ANO10: variants seen among roughly 807,000 people sequenced by gnomAD.
ANO10 encodes anoctamin 10.
ANO10 carries 77 observed loss-of-function variants against 74.7 expected under a neutral mutation model. The observed-to-expected ratio is 1.03, with a 90% CI of 0.86 to 1.25. The LOEUF (loss-of-function observed/expected upper bound fraction) is 1.25, where lower values mean the gene tolerates loss of function less well. Ranked by LOEUF, ANO10 falls within the 50% of genes most tolerant of loss-of-function variation. The pLI, the probability that ANO10 is intolerant of heterozygous loss-of-function variation, is 0.00. For synonymous variants in ANO10, 279 were observed against 284.9 expected (o/e 0.98, Z 0.21); for missense variants, 721 against 778.1 (o/e 0.93, Z 0.87).
intron 12 of ANO10, among the ~76,000 whole-genome samples, chr3:43,377,038 C>T (rs751216290): frequency 3.9e-5 from 6 of 152,196 alleles, no homozygotes; most frequent in Non-Finnish European, 5.9e-5. Flanking sequence ...GAGACATTTC[C>T]TGGACAAGAC....
At chr3:43,622,511 T>A (rs1316335605), upstream of ANO10, among the ~76,000 whole-genome samples, 1 of 152,180 alleles carries the variant, frequency 6.6e-6, no homozygotes, top group Non-Finnish European at 1.5e-5. Flanking sequence ...TAAGAACAAG[T>A]CTCATTTTAA....
chr3:43,575,642 CT>C (rs869240600), intron 6 of ANO10, among the ~76,000 whole-genome samples: 66 of 146,900 alleles, frequency 4.5e-4, no homozygotes, highest in African/African-American at 4.5e-4. Flanking sequence ...TTTAAATCAT[CT>C]TTTTTTTTTT....
chr3:43,669,578 G>T (rs1224716543), intron 1 of ANO10, among the ~76,000 whole-genome samples: 2 of 152,082 alleles, frequency 1.3e-5, no homozygotes, highest in Non-Finnish European at 2.9e-5. Context: ...GCAGCAGTTT[G>T]CCCTGTGAAT....
intron 2 of ANO10, 23 bp downstream of exon 2, chr3:43,605,691 T>A (rs759034772): frequency 6.2e-7 from 1 of 1,612,664 alleles, no homozygotes; most frequent in South Asian, 1.1e-5. Flanking sequence ...AGACTAAGTC[T>A]GAGCAGTGAC....
At chr3:43,666,009 C>A (rs1243741968) in intron 1 of ANO10, among the ~76,000 whole-genome samples, 1 of 151,954 alleles carries the variant, frequency 6.6e-6, no homozygotes, top group African/African-American at 2.4e-5. Context: ...GTGCAGATGA[C>A]AAAAAATATA....
intron 11 of ANO10, among the ~76,000 whole-genome samples, chr3:43,522,997 A>T (rs2078026380): frequency 6.6e-6 from 1 of 152,218 alleles, no homozygotes; most frequent in Admixed American, 6.5e-5. Context: ...CTGGAAAGGG[A>T]GTACCTGCAT....
intron 12 of ANO10, among the ~76,000 whole-genome samples, chr3:43,412,577 T>C (rs1194601756): frequency 6.6e-6 from 1 of 152,164 alleles, no homozygotes; most frequent in Non-Finnish European, 1.5e-5. Flanking sequence ...TCTCCATAGG[T>C]AGGGCTGCCT....
intron 1 of ANO10, among the ~76,000 whole-genome samples, chr3:43,679,029 G>GT (rs1205575631): frequency 6.6e-6 from 1 of 152,184 alleles, no homozygotes; most frequent in African/African-American, 2.4e-5. Flanking sequence ...CAGAAGACGG[G>GT]TGATTTCTGC....
At chr3:43,576,354 T>C (rs961222862) in intron 6 of ANO10, among the ~76,000 whole-genome samples, 1 of 152,220 alleles carries the variant, frequency 6.6e-6, no homozygotes, top group African/African-American at 2.4e-5. Flanking sequence ...CTATTTGCTG[T>C]CTGAACCTCA....
intron 1 of ANO10, 114 bp from the exon 2 acceptor site, chr3:43,605,977 C>T (rs2082545076): frequency 8.4e-7 from 1 of 1,186,674 alleles, no homozygotes; most frequent in African/African-American, 1.5e-5. Context: ...AAGATAAAAG[C>T]AAATTTCTCG....
At position 43,627,058 on chromosome 3, in the gene ANO10, A is replaced by G. The variant is rs560068763; in HGVS notation, c.-11-21195T>C. Reference sequence around the variant, plus strand: ...CTGTTCATCCAAGGTGATAATTTACATAATTTTTCTTCTGTATGCTTAGAT... The same window carrying G: ...CTGTTCATCCAAGGTGATAATTTACGTAATTTTTCTTCTGTATGCTTAGAT... On this transcript the variant is annotated intron_variant, in intron 1 of 3. Coordinates refer to the ANO10 transcript ENST00000413397. 9.8e-5 allele frequency among the ~76,000 whole-genome samples: 15 copies of G among 152,314 alleles called. No homozygotes were observed. In the East Asian group the frequency reaches 2.7e-3, roughly 27 times the overall value.
intron 11 of ANO10, among the ~76,000 whole-genome samples, chr3:43,454,241 G>A (rs747414739): frequency 1.3e-5 from 2 of 152,178 alleles, no homozygotes; most frequent in Non-Finnish European, 2.9e-5. Context: ...TTGCAAGAAC[G>A]TTGAGAGGAG....
intron 11 of ANO10, among the ~76,000 whole-genome samples, chr3:43,437,435 G>A (rs990730416): frequency 6.6e-6 from 1 of 152,250 alleles, no homozygotes; most frequent in Non-Finnish European, 1.5e-5. Context: ...GAGAGGGAAA[G>A]AGAAAGTAGA....
chr3:43,557,911 C>T (rs184546185), intron 9 of ANO10, among the ~76,000 whole-genome samples: 63 of 151,760 alleles, frequency 4.2e-4, no homozygotes, highest in African/African-American at 1.4e-3. Flanking sequence ...TCAAGACCAG[C>T]CTGGGCAACA....
At chr3:43,568,212 T>G (rs2080480736) in intron 7 of ANO10, among the ~76,000 whole-genome samples, 1 of 152,082 alleles carries the variant, frequency 6.6e-6, no homozygotes. Context: ...CAAAGAGACT[T>G]AAGACTCCCA....
rs183509525 is a variant in ANO10 at position 43,631,027 on chromosome 3, T to C, written c.-11-25164A>G. Among the ~76,000 whole-genome samples the C allele has an allele frequency of 3.3e-5, 5 of 152,320 alleles. No homozygotes were observed. In the East Asian group the frequency reaches 9.6e-4, roughly 29 times the overall value. ...GGCTGGAAGGAGTTTGACTGATGGT[T>C]CAAGACTGAGTGAGTGAATTGTTTT... On this transcript the variant is annotated intron_variant, in intron 1 of 3. Coordinates refer to the ANO10 transcript ENST00000413397.
At chr3:43,684,255 C>G (rs1179463493) in intron 1 of ANO10, among the ~76,000 whole-genome samples, 1 of 152,112 alleles carries the variant, frequency 6.6e-6, no homozygotes. Flanking sequence ...ACAACCCCAT[C>G]AAAAAGTGGG....
At chr3:43,593,110 T>G (rs1391401272) in intron 4 of ANO10, among the ~76,000 whole-genome samples, 1 of 152,104 alleles carries the variant, frequency 6.6e-6, no homozygotes, top group East Asian at 1.9e-4. Context: ...TGGGACTATG[T>G]GAAAAGACCA....
At chr3:43,505,232 G>A (rs1363649170) in intron 11 of ANO10, among the ~76,000 whole-genome samples, 1 of 152,178 alleles carries the variant, frequency 6.6e-6, no homozygotes, top group African/African-American at 2.4e-5. Context: ...ATGTAATTAA[G>A]TACAATGTTT....
Sources: allele counts gnomAD v4.1 joint callset (sites outside exome capture counted in the v4.1 genomes callset), GRCh38; gene constraint gnomAD v4.1.1; transcripts MANE v1.5; gene names NCBI Gene and HGNC (gene_info 2026-07-23, HGNC 2026-07-21).